The following VNN2 variants were observed in gnomAD, a reference collection of about 807,000 sequenced individuals.
VNN2 encodes pantetheine hydrolase VNN2.
VNN2 carries 43 observed loss-of-function variants against 43.0 expected under a neutral mutation model. That is an observed-to-expected ratio of 1.00 (90% CI 0.78 to 1.29). The LOEUF is 1.29. Among genes scored for constraint, VNN2 ranks in the 50% most tolerant of loss-of-function variants. VNN2 has a pLI of 0.00. For missense variants in VNN2, 652 were observed against 619.7 expected, an observed-to-expected ratio of 1.05 and a Z score of -0.55; for synonymous variants, 230 against 224.3, an observed-to-expected ratio of 1.03 and a Z score of -0.23.
intron 6 of VNN2, among the ~76,000 whole-genome samples, chr6:132,746,276 G>A (rs1282583629): frequency 6.6e-6 from 1 of 152,160 alleles, no homozygotes; most frequent in East Asian, 1.9e-4. Context: ...AGTGGTGGTG[G>A]GGGTTGAGGA....
chr6:132,759,455 A>T (rs1007183298), upstream of VNN2, among the ~76,000 whole-genome samples: 10 of 150,060 alleles, frequency 6.7e-5, no homozygotes, highest in Non-Finnish European at 1.0e-4. Context: ...AAAAAAAAAA[A>T]AAAAAACAAT....
Position 132,744,463 on chromosome 6 carries a change from T to C in VNN2, c.1400A>G (p.Lys467Arg). Residue 467 changes from lysine (K) to arginine (R), a missense_variant, in exon 7 of 7, where the codon AAG (lysine) becomes AGG (arginine). By Grantham distance (26) the Lys-to-Arg change is conservative. Coordinates refer to ENST00000326499, the MANE Select transcript of VNN2 (RefSeq NM_004665.6). ...EVLKDGRLVN[K>R]NGSSGPILTV... ...TAGTATAGGCCCAGATGATCCATTC[T>C]TGTTTACCAAACGCCCATCTTTCAG... 6.3e-7 allele frequency: 1 copy of C among 1,592,052 alleles called. No individual in the cohort carries two copies. Among genetic ancestry groups the C allele is most frequent in the Non-Finnish European group, 8.5e-7 (1 of 1,172,502 alleles).
At position 132,757,706 on chromosome 6, in the gene VNN2, T is replaced by C. The variant is rs767520846; in HGVS notation, c.178A>G (p.Ile60Val). 1.9e-6 allele frequency: 3 copies of C among 1,614,150 alleles called. No homozygotes were observed. The highest frequency in any genetic ancestry group is 2.5e-6 in the Non-Finnish European group (3 of 1,180,022). The change falls in exon 1 of 7, where the codon ATT becomes GTT. Residue 60 changes from isoleucine (I) to valine (V), a missense_variant. Coordinates refer to ENST00000326499, the MANE Select transcript of VNN2 (RefSeq NM_004665.6). ...ALNLMNENID[I>V]LETAIKQAAE... ...GCCTGCTTGATCGCTGTCTCCAGAA[T>C]GTCTATATTCTCGTTCATGAGATTC... is the stretch of plus-strand genomic sequence containing the variant.
chr6:132,758,001 TTCTTCTTCTTCTTCTTC>T (rs1562253979), upstream of VNN2: 1,538 of 165,442 alleles, frequency 9.3e-3, 244 homozygotes, highest in African/African-American at 0.043. Flanking sequence ...ATCATCATTT[TTCTTCTTCTTCTTCTTC>T]TTCTTCTTCT....
At position 132,749,197 on chromosome 6, in the gene VNN2, GTTC is replaced by G. The variant is rs35456820; in HGVS notation, c.1371+495_1371+497del. On this transcript the variant is annotated intron_variant, in intron 6 of 6. Coordinates refer to ENST00000326499, the MANE Select transcript of VNN2 (RefSeq NM_004665.6). ...TAGCTCTTCCCATTGAGAGGTCTGA[GTTC>G]TTCATTTCTCTACCATTTGAATCAC... Among the ~76,000 whole-genome samples, 188 of 152,240 alleles carry G rather than the reference GTTC, an allele frequency of 1.2e-3. 1 individual carries two copies. Among genetic ancestry groups the G allele is most frequent in the Middle Eastern group, 3.4e-3 (1 of 294 alleles).
chr6:132,757,644 T>C, intron 1 of VNN2, 27 bp downstream of exon 1: 2 of 1,611,762 alleles, frequency 1.2e-6, no homozygotes, highest in Non-Finnish European at 1.7e-6. Flanking sequence ...CTCGTGTACA[T>C]TATGATTAAC....
intron 6 of VNN2, among the ~76,000 whole-genome samples, chr6:132,747,779 G>C (rs1286674011): frequency 1.3e-5 from 2 of 152,142 alleles, no homozygotes; most frequent in Admixed American, 6.5e-5. Flanking sequence ...ACAAAGAAAG[G>C]AAGTAGTAAT....
upstream of VNN2, among the ~76,000 whole-genome samples, chr6:132,758,880 T>C (rs1407378738): frequency 6.6e-6 from 1 of 151,260 alleles, no homozygotes; most frequent in African/African-American, 2.4e-5. Flanking sequence ...GAATCTCAGC[T>C]CAGGGGCCCC....
At chr6:132,747,188 A>G (rs1178969181) in intron 6 of VNN2, among the ~76,000 whole-genome samples, 2 of 152,204 alleles carry the variant, frequency 1.3e-5, no homozygotes, top group Non-Finnish European at 2.9e-5. Flanking sequence ...ATACAGCATG[A>G]CAAGTTCACA....
intron 6 of VNN2, among the ~76,000 whole-genome samples, chr6:132,749,034 G>T (rs966127990): frequency 2.0e-5 from 3 of 152,206 alleles, no homozygotes; most frequent in African/African-American, 7.2e-5. Context: ...TGGTATCTCA[G>T]ACTCACAGTT....
intron 5 of VNN2, 74 bp downstream of exon 5, chr6:132,751,071 T>C: frequency 2.6e-6 from 4 of 1,516,662 alleles, no homozygotes; most frequent in Non-Finnish European, 3.5e-6. Flanking sequence ...CACCTGGTTT[T>C]CTGGAACAAA....
intron 3 of VNN2, 71 bp from the exon 4 acceptor site, chr6:132,752,820 A>G: frequency 6.6e-7 from 1 of 1,515,396 alleles, no homozygotes; most frequent in African/African-American, 1.4e-5. Flanking sequence ...AAAACCCTCT[A>G]AGTTGGTAAC....
intron 2 of VNN2, among the ~76,000 whole-genome samples, 155 bp downstream of exon 2, chr6:132,757,261 T>C (rs1227349768): frequency 6.6e-6 from 1 of 152,232 alleles, no homozygotes; most frequent in African/African-American, 2.4e-5. Flanking sequence ...AAATAGTATC[T>C]AAGTACAATT....
Position 132,757,853 on chromosome 6 carries a change from C to T in VNN2, c.31G>A (p.Ala11Thr), listed in dbSNP as rs776912430. The T allele has an allele frequency of 8.1e-6, 13 of 1,613,700 alleles. No individual in the cohort carries two copies. The South Asian group carries it at 1.2e-4, about 15-fold the overall frequency. ...TGCAGGGTTATTAGGGCAAAAACTGCCACAGAGATTGGAAAAGAGGAAGTG... is the reference window on the plus strand; with the variant it reads ...TGCAGGGTTATTAGGGCAAAAACTGTCACAGAGATTGGAAAAGAGGAAGTG... Reference protein sequence around the residue: MVTSSFPISVAVFALITLQVG... With the variant: MVTSSFPISVTVFALITLQVG... Residue 11 changes from alanine (A) to threonine (T), a missense_variant, in exon 1 of 7, where the codon GCA becomes ACA. Physicochemically the swap from Ala to Thr is moderately conservative, Grantham distance 58. Transcript: ENST00000326499.
chr6:132,746,237 G>GTAA (rs996915247), intron 6 of VNN2, among the ~76,000 whole-genome samples: 3 of 151,980 alleles, frequency 2.0e-5, no homozygotes, highest in Non-Finnish European at 4.4e-5. Context: ...GGCATGGTGA[G>GTAA]TAACACCACC....
chr6:132,745,327 T>C (rs1320587288), intron 6 of VNN2, among the ~76,000 whole-genome samples: 4 of 152,194 alleles, frequency 2.6e-5, no homozygotes, highest in Non-Finnish European at 4.4e-5. Flanking sequence ...GTGATTCTCC[T>C]GCCTCAAGCT....
chr6:132,759,362 C>A (rs1020012924), upstream of VNN2, among the ~76,000 whole-genome samples: 1 of 148,286 alleles, frequency 6.7e-6, no homozygotes, highest in Non-Finnish European at 1.5e-5. Context: ...TCGCTGGAAC[C>A]CAGGAGGCAG....
chr6:132,751,261 G>C lies in VNN2; in HGVS notation c.1084C>G (p.Gln362Glu). Residue 362 changes from glutamine (Q) to glutamate (E), a missense_variant, in exon 5 of 7, where the codon CAA becomes GAA. By Grantham distance (29) the Gln-to-Glu change is conservative. Transcript: ENST00000326499. ...FENAGNLTVC[Q>E]KELCCHLSYR... ...CTTAAATGACAGCAAAGCTCCTTTT[G>C]ACAGACTGTAAGGTTTCCTGCATTT... 1.2e-6 allele frequency: 2 copies of C among 1,614,078 alleles called. No homozygotes were observed. Among genetic ancestry groups the C allele is most frequent in the Non-Finnish European group, 1.7e-6 (2 of 1,180,008 alleles).
chr6:132,753,605 G>GC, intron 3 of VNN2: 1 of 325,012 alleles, frequency 3.1e-6, no homozygotes, highest in South Asian at 2.5e-5. Flanking sequence ...ATGGTCTGCA[G>GC]TGTAGAAAAA....
Sources: gnomAD v4.1 joint callset for allele counts (sites outside exome capture counted in the v4.1 genomes callset) on GRCh38, gnomAD v4.1.1 for gene constraint, MANE v1.5 for transcripts, NCBI Gene and HGNC (gene_info 2026-07-23, HGNC 2026-07-21) for gene names.